The following RSU1 variants were observed in gnomAD, a reference collection of about 807,000 sequenced individuals.
RSU1 encodes rsu-1.
A neutral mutation model predicts 31.1 loss-of-function variants in RSU1; 26 were observed. The ratio of observed to expected loss-of-function variants is 0.84; its 90% CI spans 0.61 to 1.16. The LOEUF (loss-of-function observed/expected upper bound fraction) is 1.16, where lower values mean the gene tolerates loss of function less well. RSU1 is among the 50% of genes most tolerant of loss of function. The pLI is 0.00. For missense variants in RSU1, 320 were observed against 339.1 expected (o/e 0.94, Z 0.44); for synonymous variants, 164 against 136.3 (o/e 1.20, Z -1.41).
chr10:16,805,788 G>C (rs1021032541), intron 2 of RSU1, among the ~76,000 whole-genome samples: 1 of 151,854 alleles, frequency 6.6e-6, no homozygotes, highest in Non-Finnish European at 1.5e-5. Context: ...TTGCGTGTCA[G>C]GTACCAAATC....
In RSU1 at chr10:16,711,220, A is replaced by G. The variant is rs1402225892; in HGVS notation, c.599-16065T>C. On this transcript the variant is annotated intron_variant, in intron 7 of 8. Transcript: ENST00000345264. The stretch of plus-strand genomic sequence containing the variant: ...CATATAGCAGCTCATAATATTCTCT[A>G]TAATTTTCTGTATTTCTGTAGTATC... 2.6e-5 allele frequency among the ~76,000 whole-genome samples: 4 copies of G among 152,096 alleles called. No individual in the cohort carries two copies. The East Asian group carries it at 7.7e-4, about 29-fold the overall frequency.
intron 2 of RSU1, among the ~76,000 whole-genome samples, chr10:16,790,048 G>C (rs564750370): frequency 6.6e-6 from 1 of 152,172 alleles, no homozygotes; most frequent in African/African-American, 2.4e-5. Context: ...GCATTTGTGG[G>C]GTGTGGGGGC....
intron 7 of RSU1, among the ~76,000 whole-genome samples, chr10:16,736,651 C>A (rs1588503013): frequency 6.6e-6 from 1 of 151,836 alleles, no homozygotes; most frequent in Non-Finnish European, 1.5e-5. Flanking sequence ...ACAAAAAAAC[C>A]CACAGAAAAC....
intron 4 of RSU1, among the ~76,000 whole-genome samples, chr10:16,755,512 A>G (rs1306766448): frequency 1.3e-5 from 2 of 151,930 alleles, no homozygotes; most frequent in African/African-American, 2.4e-5. Context: ...GATACTTCTG[A>G]TGTATGTATA....
intron 7 of RSU1, among the ~76,000 whole-genome samples, chr10:16,741,675 C>A (rs2124106): frequency 0.18 from 27,538 of 152,002 alleles, 2,614 homozygotes; most frequent in Admixed American, 0.2. Context: ...TCCTAGGGAA[C>A]ATTAAAGAGC....
At position 16,711,584 on chromosome 10, in the gene RSU1, T is replaced by C. The variant is rs1375969453; in HGVS notation, c.599-16429A>G. ...CTGTGTCTCACAGGTTTTGGTAAGA[T>C]GTGTTTGCATTCTTGTTTGTCTCAA... On this transcript the variant is annotated intron_variant, in intron 7 of 8. Transcript: ENST00000345264. Among the ~76,000 whole-genome samples, 4 of 152,326 alleles carry C rather than the reference T, an allele frequency of 2.6e-5. No individual in the cohort carries two copies. The East Asian group carries it at 7.7e-4, about 29-fold the overall frequency.
chr10:16,686,429 G>C (rs1480930620), intron 8 of RSU1, among the ~76,000 whole-genome samples: 1 of 152,120 alleles, frequency 6.6e-6, no homozygotes, highest in Non-Finnish European at 1.5e-5. Context: ...ATATCCAATA[G>C]TTCAATATGA....
intron 7 of RSU1, among the ~76,000 whole-genome samples, chr10:16,748,643 C>G (rs1483647077): frequency 2.0e-5 from 3 of 152,158 alleles, no homozygotes; most frequent in African/African-American, 4.8e-5. Context: ...CATTTCCTGT[C>G]TAAGCTCATT....
chr10:16,681,878 G>C (rs1439818439), intron 8 of RSU1, among the ~76,000 whole-genome samples: 1 of 152,112 alleles, frequency 6.6e-6, no homozygotes, highest in East Asian at 1.9e-4. Flanking sequence ...TCTACCTGGA[G>C]CCTTTTTCCT....
At chr10:16,759,958 A>G (rs751351573) in intron 4 of RSU1, among the ~76,000 whole-genome samples, 1 of 152,174 alleles carries the variant, frequency 6.6e-6, no homozygotes, top group Non-Finnish European at 1.5e-5. Flanking sequence ...TCCTTAGAAT[A>G]AGGAGTCCTC....
intron 8 of RSU1, among the ~76,000 whole-genome samples, chr10:16,686,816 C>T (rs904591782): frequency 6.6e-5 from 10 of 152,060 alleles, no homozygotes; most frequent in African/African-American, 2.4e-4. Context: ...GTGCAAGGTT[C>T]AGGATAAATC....
intron 8 of RSU1, among the ~76,000 whole-genome samples, chr10:16,676,144 C>T (rs563453472): frequency 5.5e-4 from 84 of 152,226 alleles, no homozygotes; most frequent in African/African-American, 1.8e-3. Context: ...GACTGAAGCC[C>T]GACTACAAAA....
intron 4 of RSU1, among the ~76,000 whole-genome samples, chr10:16,761,062 C>G (rs1291140277): frequency 6.6e-6 from 1 of 152,156 alleles, no homozygotes; most frequent in Non-Finnish European, 1.5e-5. Flanking sequence ...CTGCCTCAGC[C>G]TCCCAGGTAG....
chr10:16,781,820 C>CA (rs562412370), intron 3 of RSU1, among the ~76,000 whole-genome samples: 303 of 151,396 alleles, frequency 2.0e-3, no homozygotes, highest in African/African-American at 7.0e-3. Context: ...GACCTTGTCT[C>CA]AAAAAAAAGA....
At chr10:16,734,163 C>T (rs1392454527) in intron 7 of RSU1, among the ~76,000 whole-genome samples, 5 of 152,216 alleles carry the variant, frequency 3.3e-5, no homozygotes, top group African/African-American at 4.8e-5. Context: ...TCTCACATTG[C>T]AGCACATCAC....
chr10:16,752,491 T>C (rs12146387), intron 7 of RSU1, 48 bp downstream of exon 7: 101,880 of 1,375,268 alleles, frequency 0.074, 4,514 homozygotes, highest in Non-Finnish European at 0.089. Context: ...ATTAGGATAA[T>C]TGTTATTCAT....
At chr10:16,617,920 T>C (rs1342214350) in intron 8 of RSU1, among the ~76,000 whole-genome samples, 13 of 152,216 alleles carry the variant, frequency 8.5e-5, no homozygotes, top group Admixed American at 6.5e-4. Flanking sequence ...GACATAGGCA[T>C]GGGCAAAGAC....
chr10:16,687,714 AATT>A (rs149083342), intron 8 of RSU1, among the ~76,000 whole-genome samples: 10 of 151,704 alleles, frequency 6.6e-5, no homozygotes, highest in African/African-American at 1.5e-4. Flanking sequence ...CAAAAAATCA[AATT>A]ATTATTATTA....
At chr10:16,723,183 T>C (rs1253563768) in intron 7 of RSU1, 2 of 152,088 alleles carry the variant, frequency 1.3e-5, no homozygotes, top group African/African-American at 4.8e-5. Flanking sequence ...ATGAGTGTTT[T>C]CAACTGTGGG....
Sources: allele counts gnomAD v4.1 joint callset (sites outside exome capture counted in the v4.1 genomes callset), GRCh38; gene constraint gnomAD v4.1.1; transcripts MANE v1.5; gene names NCBI Gene and HGNC (gene_info 2026-07-23, HGNC 2026-07-21).